Variants in USP50 observed in about 807,000 individuals in gnomAD.
USP50 encodes ubiquitin carboxyl-terminal hydrolase 50.
Under a neutral mutation model 39.2 loss-of-function variants are expected in USP50, and 37 were observed. The observed-to-expected ratio is 0.94, with a 90% CI of 0.73 to 1.24. USP50 has a LOEUF of 1.24. Ranked by LOEUF, USP50 falls within the 50% of genes most tolerant of loss-of-function variation. The probability of loss-of-function intolerance (pLI) is 0.00; values close to 1 mark genes in which losing one functional copy is unlikely to be tolerated. For missense variants in USP50, 374 were observed against 398.2 expected, an observed-to-expected ratio of 0.94 and a Z score of 0.52; for synonymous variants, 139 against 144.5, an observed-to-expected ratio of 0.96 and a Z score of 0.27.
chr15:50,495,693 G>A, downstream of USP50: 3 of 586,694 alleles, frequency 5.1e-6, no homozygotes, highest in Non-Finnish European at 8.7e-6. Flanking sequence ...TTTTTGGCTA[G>A]AATTATTTTT....
intron 1 of USP50, among the ~76,000 whole-genome samples, chr15:50,495,017 T>TAAAAA (rs34381291): frequency 8.8e-6 from 1 of 113,514 alleles, no homozygotes. Context: ...AGACTCTTTC[T>TAAAAA]AAAAAAAAAA....
chr15:50,497,268 T>C (rs370617706), downstream of USP50: 13 of 1,561,692 alleles, frequency 8.3e-6, no homozygotes, highest in East Asian at 1.4e-4. Flanking sequence ...TCAGTGAAAT[T>C]AAATGAGGGA....
chr15:50,528,045 T>C (rs2052911982), intron 6 of USP50, among the ~76,000 whole-genome samples: 1 of 148,800 alleles, frequency 6.7e-6, no homozygotes, highest in South Asian at 2.1e-4. Context: ...CAATAATAGT[T>C]TGATTACTAA....
intron 2 of USP50, chr15:50,544,074 T>G: frequency 2.5e-6 from 1 of 398,896 alleles, no homozygotes; most frequent in Non-Finnish European, 4.6e-6. Context: ...ACACCTGTAA[T>G]GCCAGCACTT....
rs940096031 is a variant in USP50 at position 50,538,808 on chromosome 15, T to C, written c.704A>G (p.Asn235Ser). 1 of 1,613,522 alleles carries C rather than the reference T, an allele frequency of 6.2e-7. No individual in the cohort carries two copies. Among genetic ancestry groups the C allele is most frequent in the Non-Finnish European group, 8.5e-7 (1 of 1,179,710 alleles). Reference protein sequence around the residue: ...CFFQQDALTWNNEIHCSFCET... With the variant: ...CFFQQDALTWSNEIHCSFCET... Reference sequence around the variant, plus strand: ...ACAAAAGGAGCAGTGAATTTCGTTGTTCCAGGTCAGTGCGTCTTGTTGAAA... The same window carrying C: ...ACAAAAGGAGCAGTGAATTTCGTTGCTCCAGGTCAGTGCGTCTTGTTGAAA... Residue 235 changes from asparagine (N) to serine (S), a missense_variant, in exon 5 of 7, where the codon AAC (asparagine) becomes AGC (serine). Transcript: ENST00000532404.
intron 6 of USP50, chr15:50,513,520 A>T (rs867895379): frequency 3.4e-5 from 3 of 89,208 alleles, no homozygotes; most frequent in African/African-American, 1.2e-4. Context: ...AAACTGTCTA[A>T]AAAAAAAAAA....
rs776935856 is a variant in USP50, at chr15:50,529,890, C to T, written c.843G>A (p.Thr281=). ...IQGTTKRKLR[T]DIHYPLTNLD... is the part of the protein sequence containing the mutation. Reference sequence around the variant, plus strand: ...AGTTAGTGAGTGGGTAATGAATATCCGTTCTCAGCTTCCTTTTTGTTGTAC... The same window carrying T: ...AGTTAGTGAGTGGGTAATGAATATCTGTTCTCAGCTTCCTTTTTGTTGTAC... The change falls in exon 6 of 7, where the codon ACG becomes ACA. Residue 281 remains threonine (T), a synonymous_variant. Transcript: ENST00000532404. 7.4e-6 allele frequency: 12 copies of T among 1,613,960 alleles called. No homozygotes were observed. The East Asian group carries it at 8.9e-5, about 12-fold the overall frequency.
chr15:50,498,874 G>T, downstream of USP50: 3 of 1,564,466 alleles, frequency 1.9e-6, no homozygotes, highest in Middle Eastern at 3.4e-4. Context: ...TAACTGAATT[G>T]ATTTTTTTTT....
intron 5 of USP50, among the ~76,000 whole-genome samples, chr15:50,530,718 G>T (rs554784047): frequency 6.6e-6 from 1 of 152,274 alleles, no homozygotes; most frequent in South Asian, 2.1e-4. Context: ...TTTGAATCAA[G>T]GAGTGAGATA....
chr15:50,498,425 A>G (rs1008483287), downstream of USP50: 8 of 829,080 alleles, frequency 9.6e-6, no homozygotes, highest in Non-Finnish European at 1.4e-5. Context: ...TCTTGTTTGT[A>G]AAATGGAAAT....
downstream of USP50, chr15:50,493,291 CG>C (rs1407585793): frequency 3.9e-6 from 2 of 514,200 alleles, no homozygotes; most frequent in Non-Finnish European, 7.7e-6. Flanking sequence ...GAATATTTGA[CG>C]TGAATCTGGT....
In USP50 at chr15:50,539,108, G is replaced by GTT. The variant is rs1295647053; in HGVS notation, c.661-259_661-258dup. ...ATAATCTAGAAATCAGTTTTTTTTG[G>GTT]TTTTGTTTTTTTTTTTTTTGAGATG... is the stretch of plus-strand genomic sequence containing the variant. On this transcript the variant is annotated intron_variant, in intron 4 of 6. Transcript: ENST00000532404. Among the ~76,000 whole-genome samples, 263 of 133,564 alleles carry GTT rather than the reference G, an allele frequency of 2.0e-3. 3 individuals carry two copies. The highest frequency in any genetic ancestry group is 6.7e-3 in the African/African-American group (249 of 37,250). The allele number at this position is 133,564 out of a possible 152,430, so 87.6% of individuals were successfully genotyped here.
chr15:50,499,388 CT>C (rs36042420), downstream of USP50: 88,768 of 197,586 alleles, frequency 0.45, 20,541 homozygotes, highest in Admixed American at 0.55. Context: ...CTATTGTTAT[CT>C]TTTTTTTTTC....
chr15:50,534,444 AC>A (rs2052964493), intron 5 of USP50, among the ~76,000 whole-genome samples: 1 of 152,206 alleles, frequency 6.6e-6, no homozygotes. Context: ...GTAGATAAAA[AC>A]AGGAACACCA....
chr15:50,500,710 A>G lies in USP50; in HGVS notation c.*59T>C, dbSNP rs2052568078. The G allele has an allele frequency of 1.3e-6, 2 of 1,489,336 alleles. No individual in the cohort carries two copies. The highest frequency in any genetic ancestry group is 1.8e-6 in the Non-Finnish European group (2 of 1,089,558). The allele number at this position is 1,489,336 out of a possible 1,614,324, so 92.3% of individuals were successfully genotyped here. A position where few individuals can be genotyped will look rare whatever the true frequency, so the allele number is the denominator to read the frequency against. On this transcript the variant is annotated 3_prime_UTR_variant, in exon 7 of 7. Coordinates refer to ENST00000532404, the MANE Select transcript of USP50 (RefSeq NM_203494.5). ...CTGGCAGCTATAGAACAGGAGATCC[A>G]TAGCATTTTGAACAGAAGTATCTGG...
chr15:50,500,949 A>C (rs942336635), intron 6 of USP50, 112 bp from the exon 7 acceptor site: 18 of 906,866 alleles, frequency 2.0e-5, no homozygotes, highest in Non-Finnish European at 3.1e-5. Flanking sequence ...TCTAAATTAA[A>C]AGGAAGTGAT....
intron 1 of USP50, among the ~76,000 whole-genome samples, chr15:50,545,055 T>C (rs373519220): frequency 1.3e-5 from 2 of 151,996 alleles, no homozygotes; most frequent in Middle Eastern, 3.2e-3. Flanking sequence ...CAGGGTAACA[T>C]AGTGAGATCT....
intron 6 of USP50, among the ~76,000 whole-genome samples, chr15:50,517,637 A>G (rs1193979559): frequency 2.0e-5 from 3 of 152,210 alleles, no homozygotes; most frequent in Non-Finnish European, 4.4e-5. Flanking sequence ...TAAATCAAAA[A>G]GGAAATCATA....
Position 50,530,064 on chromosome 15 carries a change from T to G in USP50, c.804-135A>C, listed in dbSNP as rs2052928425. ...GCTCATGCCTGTAATCCCACAACTT[T>G]GGGAGGCCAAGGTGGACATATCCCT... On this transcript the variant is annotated intron_variant, in intron 5 of 6. Transcript: ENST00000532404. The G allele has an allele frequency of 1.0e-5, 13 of 1,278,220 alleles. No homozygotes were observed. The South Asian group carries it at 1.7e-4, about 17-fold the overall frequency. 79.2% of individuals were successfully genotyped at this position (1,278,220 alleles called of 1,614,324 possible).
Sources: gnomAD v4.1 joint callset for allele counts (sites outside exome capture counted in the v4.1 genomes callset) on GRCh38, gnomAD v4.1.1 for gene constraint, MANE v1.5 for transcripts, NCBI Gene and HGNC (gene_info 2026-07-23, HGNC 2026-07-21) for gene names.